FAT1: variants seen among roughly 807,000 people sequenced by gnomAD.
FAT1 encodes protocadherin Fat 1.
A neutral mutation model predicts 329.8 loss-of-function variants in FAT1; 171 were observed. The observed-to-expected ratio is 0.52, with a 90% confidence interval of 0.46 to 0.59. FAT1 has a LOEUF of 0.59. FAT1 is among the 20% of genes least tolerant of loss of function. The pLI, the probability that FAT1 is intolerant of heterozygous loss-of-function variation, is 0.00. For missense variants in FAT1, 5,672 were observed against 5,774.4 expected (o/e 0.98, Z 0.57); for synonymous variants, 2,233 against 2,228.6 (o/e 1.00, Z -0.06).
At chr4:186,692,719 C>T (rs1245503040) in intron 2 of FAT1, among the ~76,000 whole-genome samples, 1 of 152,154 alleles carries the variant, frequency 6.6e-6, no homozygotes, top group Non-Finnish European at 1.5e-5. Flanking sequence ...TTCCACGCCC[C>T]CCAGTCTTCC....
intron 4 of FAT1, among the ~76,000 whole-genome samples, chr4:186,638,648 CACT>C (rs1740952688): frequency 6.9e-6 from 1 of 145,776 alleles, no homozygotes; most frequent in Admixed American, 6.8e-5. Flanking sequence ...CACACACATA[CACT>C]GCACAACTAT....
intron 3 of FAT1, among the ~76,000 whole-genome samples, chr4:186,651,053 ATAAT>A (rs1221016945): frequency 6.7e-6 from 1 of 149,618 alleles, no homozygotes; most frequent in Non-Finnish European, 1.5e-5. Context: ...CTATTATTAA[ATAAT>A]TTATTTATTA....
At position 186,611,678 on chromosome 4, in the gene FAT1, C is replaced by G. The variant is rs2126469503; in HGVS notation, c.9561G>C (p.Leu3187Phe). 1 of 1,609,658 alleles carries G rather than the reference C, an allele frequency of 6.2e-7. No individual in the cohort carries two copies. The highest frequency in any genetic ancestry group is 8.5e-7 in the Non-Finnish European group (1 of 1,177,712). Residue 3187 changes from leucine to phenylalanine, a missense_variant, in exon 14 of 27, where the codon TTG becomes TTC. This residue lies in a region of FAT1 where 1,706 missense variants were observed against 1,859.1 expected (regional missense o/e 0.92). Coordinates refer to ENST00000441802, the MANE Select transcript of FAT1 (RefSeq NM_005245.4). ...LSGIIQLEKP[L>F]DRELQAVYTL... Reference sequence around the variant, plus strand: ...TGTATACTGCCTGGAGTTCTCTGTCCAAAGGTTTTTCTAACTGAATAATTC... The same window carrying G: ...TGTATACTGCCTGGAGTTCTCTGTCGAAAGGTTTTTCTAACTGAATAATTC...
Position 186,688,490 on chromosome 4 carries a change from G to A in FAT1, c.3265+18073C>T, listed in dbSNP as rs1397307904. 2.0e-5 allele frequency among the ~76,000 whole-genome samples: 3 copies of A among 152,266 alleles called. No individual in the cohort carries two copies. The East Asian group carries it at 5.8e-4, about 29-fold the overall frequency. Reference sequence around the variant, plus strand: ...AGTGAGATGGCCCCTGGGCAGCTCTGTTTTCTGCAGACCAGGCTGTGACCT... The same window carrying A: ...AGTGAGATGGCCCCTGGGCAGCTCTATTTTCTGCAGACCAGGCTGTGACCT... On this transcript the variant is annotated intron_variant, in intron 2 of 26. Coordinates refer to ENST00000441802, the MANE Select transcript of FAT1 (RefSeq NM_005245.4).
At chr4:186,601,458 G>C (rs765166261) in intron 20 of FAT1, 32 bp from the exon 21 acceptor site, 1 of 1,584,480 alleles carries the variant, frequency 6.3e-7, no homozygotes, top group East Asian at 2.3e-5. Context: ...AAATAAACCA[G>C]AACCAAGTTT....
At chr4:186,616,890 A>T in intron 11 of FAT1, 115 bp downstream of exon 11, 1 of 888,742 alleles carries the variant, frequency 1.1e-6, no homozygotes. Context: ...CTGCTTAATC[A>T]GTAAGTGATC....
intron 3 of FAT1, among the ~76,000 whole-genome samples, chr4:186,640,135 A>T (rs2126572297): frequency 6.6e-6 from 1 of 152,352 alleles, no homozygotes; most frequent in African/African-American, 2.4e-5. Flanking sequence ...TCAAAAATAC[A>T]ATAAAAAACA....
chr4:186,640,798 C>T (rs1741054684), intron 3 of FAT1, among the ~76,000 whole-genome samples: 1 of 152,112 alleles, frequency 6.6e-6, no homozygotes, highest in African/African-American at 2.4e-5. Context: ...TTATGCTTCA[C>T]CAAAACCACA....
Position 186,618,010 on chromosome 4 carries a change from G to A in FAT1, c.8576C>T (p.Ser2859Phe), listed in dbSNP as rs1477547051. 1 of 1,613,996 alleles carries A rather than the reference G, an allele frequency of 6.2e-7. No individual in the cohort carries two copies. Among genetic ancestry groups the A allele is most frequent in the Admixed American group, 1.7e-5 (1 of 60,018 alleles). The stretch of plus-strand genomic sequence containing the variant: ...GCCTGTTTCCATGTTAATGGCAAAG[G>A]ATTCAATGACTTCCACACTTTGTGA... ...DQSQSVEVIE[S>F]FAINMETGWI... The change falls in exon 10 of 27, where the codon TCC becomes TTC. Residue 2859 changes from serine (S) to phenylalanine (F), a missense_variant. Ser to Phe is a radical substitution (Grantham distance 155). Transcript: ENST00000441802.
rs1745574980 is a variant in FAT1 at position 186,723,762 on chromosome 4, G to C, written c.-117C>G. The C allele has an allele frequency of 1.3e-5, 2 of 150,280 alleles. No individual in the cohort carries two copies. The highest frequency in any genetic ancestry group is 3.0e-5 in the Non-Finnish European group (2 of 67,408). The allele number at this position is 150,280 out of a possible 1,614,324, so 9.3% of individuals were successfully genotyped here. A position where few individuals can be genotyped will look rare whatever the true frequency, so the allele number is the denominator to read the frequency against. On this transcript the variant is annotated 5_prime_UTR_variant, in exon 1 of 27. Coordinates refer to ENST00000441802, the MANE Select transcript of FAT1 (RefSeq NM_005245.4). ...GACCGGGCCTGCCGGGGCCCTCGCC[G>C]GGCTCGCGCGTCCGCATGGTACCTG...
intron 12 of FAT1, among the ~76,000 whole-genome samples, chr4:186,613,826 T>C (rs1427686186): frequency 6.6e-6 from 1 of 152,208 alleles, no homozygotes; most frequent in African/African-American, 2.4e-5. Flanking sequence ...TATGCTAAGT[T>C]ATAAATTTAT....
At position 186,617,013 on chromosome 4, in the gene FAT1, A is replaced by G; in HGVS notation, c.9067T>C (p.Cys3023Arg). The change falls in exon 11 of 27, where the codon TGT (cysteine) becomes CGT (arginine). Residue 3023 changes from cysteine (C) to arginine (R), a missense_variant. Transcript: ENST00000441802. ...AGGGAAGAGCTGCTTACCTTTTCAC[A>G]AACTGGACTGTTGTCATTTGCATCC... Reference protein sequence around the residue: ...VLDANDNSPVCEKTLYSDTIP... With the variant: ...VLDANDNSPVREKTLYSDTIP... The G allele has an allele frequency of 6.2e-7, 1 of 1,612,010 alleles. No homozygotes were observed.
At chr4:186,650,573 A>G (rs1298720345) in intron 3 of FAT1, among the ~76,000 whole-genome samples, 2 of 152,160 alleles carry the variant, frequency 1.3e-5, no homozygotes, top group Non-Finnish European at 2.9e-5. Context: ...TACAAAACTA[A>G]TTTGCCTAAT....
At chr4:186,685,349 G>A (rs1743413174) in intron 2 of FAT1, among the ~76,000 whole-genome samples, 3 of 152,156 alleles carry the variant, frequency 2.0e-5, no homozygotes, top group Non-Finnish European at 4.4e-5. Flanking sequence ...CACAATAAGA[G>A]CAACTTAGCC....
At position 186,617,196 on chromosome 4, in the gene FAT1, C is replaced by T. The variant is rs1418474884; in HGVS notation, c.8884G>A (p.Asp2962Asn). 6.3e-7 allele frequency: 1 copy of T among 1,582,920 alleles called. No homozygotes were observed. Among genetic ancestry groups the T allele is most frequent in the Non-Finnish European group, 8.6e-7 (1 of 1,164,786 alleles). ...TCAACGGCAAACTGTCCTAAAGGATCCCCTCCTATTAAATCAATGGAGGAA... is the reference window on the plus strand; with the variant it reads ...TCAACGGCAAACTGTCCTAAAGGATTCCCTCCTATTAAATCAATGGAGGAA... ...RQVTYFITGG[D>N]PLGQFAVETI... is the part of the protein sequence containing the mutation. The change falls in exon 11 of 27, where the codon GAT (aspartate) becomes AAT (asparagine). Residue 2962 changes from aspartate to asparagine, a missense_variant. Transcript: ENST00000441802.
At chr4:186,591,418 A>T (rs186188068) in intron 26 of FAT1, among the ~76,000 whole-genome samples, 11 of 152,378 alleles carry the variant, frequency 7.2e-5, no homozygotes, top group African/African-American at 2.6e-4. Flanking sequence ...GGTAACATGT[A>T]TCTACAGAAT....
intron 3 of FAT1, among the ~76,000 whole-genome samples, chr4:186,654,541 T>A (rs986588791): frequency 1.3e-5 from 2 of 152,148 alleles, no homozygotes; most frequent in East Asian, 3.9e-4. Context: ...ACCAGCAAGA[T>A]TCTAACAGTG....
intron 2 of FAT1, among the ~76,000 whole-genome samples, chr4:186,689,719 C>A (rs1743655598): frequency 6.6e-6 from 1 of 152,210 alleles, no homozygotes. Flanking sequence ...CCCACCCACA[C>A]CAGGCTAATT....
intron 26 of FAT1, among the ~76,000 whole-genome samples, chr4:186,591,506 G>C (rs1738237040): frequency 6.6e-6 from 1 of 152,210 alleles, no homozygotes; most frequent in Admixed American, 6.5e-5. Context: ...GTAGGCACTA[G>C]TAATAGCTTT....
Sources: gnomAD v4.1 joint callset for allele counts (sites outside exome capture counted in the v4.1 genomes callset) on GRCh38, gnomAD v4.1.1 for gene constraint, gnomAD v4.1.1 regional missense constraint, MANE v1.5 for transcripts, NCBI Gene and HGNC (gene_info 2026-07-23, HGNC 2026-07-21) for gene names.